The following EXOC6B variants were observed in gnomAD, a reference collection of about 807,000 sequenced individuals.
EXOC6B encodes exocyst complex component 6B, also known as SEC15 homolog B.
In EXOC6B, 54 loss-of-function variants were observed where a neutral mutation model predicts 113.5. The observed-to-expected ratio is 0.48, with a 90% CI of 0.38 to 0.60. The LOEUF (loss-of-function observed/expected upper bound fraction) is 0.60, where lower values mean the gene tolerates loss of function less well. Among genes scored for constraint, EXOC6B ranks in the 20% least tolerant of loss-of-function variants. The pLI is 0.00. For missense variants in EXOC6B, 797 were observed against 977.5 expected, an observed-to-expected ratio of 0.82 and a Z score of 2.46; for synonymous variants, 357 against 339.0, an observed-to-expected ratio of 1.05 and a Z score of -0.58.
chr2:72,607,023 T>C (rs1448075601), intron 6 of EXOC6B, among the ~76,000 whole-genome samples: 1 of 152,194 alleles, frequency 6.6e-6, no homozygotes, highest in African/African-American at 2.4e-5. Flanking sequence ...AGGGGAATCA[T>C]TTTCTCCTTA....
At chr2:72,203,254 A>G (rs1328008099) in intron 20 of EXOC6B, among the ~76,000 whole-genome samples, 1 of 152,176 alleles carries the variant, frequency 6.6e-6, no homozygotes, top group Non-Finnish European at 1.5e-5. Flanking sequence ...GTCCTTTTCA[A>G]TCAGTCCCAG....
chr2:72,747,806 T>C (rs1681798173), intron 1 of EXOC6B, among the ~76,000 whole-genome samples: 1 of 152,082 alleles, frequency 6.6e-6, no homozygotes, highest in Non-Finnish European at 1.5e-5. Flanking sequence ...CTTGCACCTT[T>C]TCTGGGAAAC....
At chr2:72,767,739 G>A (rs1683155050) in intron 1 of EXOC6B, among the ~76,000 whole-genome samples, 2 of 144,476 alleles carry the variant, frequency 1.4e-5, no homozygotes, top group South Asian at 4.5e-4. Context: ...CCTAAGCCTG[G>A]GAGGTGGAGG....
chr2:72,559,425 T>C (rs1703757500), intron 8 of EXOC6B, 28 bp downstream of exon 8: 1 of 1,489,320 alleles, frequency 6.7e-7, no homozygotes, highest in South Asian at 1.4e-5. Context: ...TGGACATCTT[T>C]ATTAGGCAGA....
chr2:72,457,184 T>C (rs1697291535), intron 18 of EXOC6B, among the ~76,000 whole-genome samples: 1 of 152,082 alleles, frequency 6.6e-6, no homozygotes, highest in South Asian at 2.1e-4. Context: ...ACAGAAAACA[T>C]TTTGTACTTA....
At chr2:72,452,876 C>A (rs909845225) in intron 18 of EXOC6B, among the ~76,000 whole-genome samples, 2 of 152,164 alleles carry the variant, frequency 1.3e-5, no homozygotes, top group African/African-American at 2.4e-5. Flanking sequence ...TGTTCTTCCA[C>A]TGCTGCTCTT....
At chr2:72,718,420 T>C in intron 5 of EXOC6B, 113 bp from the exon 6 acceptor site, 1 of 649,226 alleles carries the variant, frequency 1.5e-6, no homozygotes, top group Non-Finnish European at 2.6e-6. Flanking sequence ...CATGAAGTTT[T>C]AATGAGAACA....
chr2:72,432,222 G>A (rs1324281945), intron 18 of EXOC6B, among the ~76,000 whole-genome samples: 2 of 151,962 alleles, frequency 1.3e-5, no homozygotes. Context: ...ATTTAGTAGA[G>A]ACGCAGTTTC....
chr2:72,810,146 T>C (rs928528664), intron 1 of EXOC6B, among the ~76,000 whole-genome samples: 1 of 152,070 alleles, frequency 6.6e-6, no homozygotes, highest in African/African-American at 2.4e-5. Flanking sequence ...AAATAATTAA[T>C]GGATCAAATA....
chr2:72,197,099 T>C (rs1457003847), intron 20 of EXOC6B, among the ~76,000 whole-genome samples: 1 of 152,222 alleles, frequency 6.6e-6, no homozygotes, highest in East Asian at 1.9e-4. Context: ...AGCTGAGATG[T>C]ATTCAAAGGA....
intron 18 of EXOC6B, among the ~76,000 whole-genome samples, chr2:72,392,064 T>G (rs112190007): frequency 1.3e-5 from 2 of 152,224 alleles, no homozygotes; most frequent in African/African-American, 4.8e-5. Context: ...ATTCTTTTTT[T>G]AAAAATCTTG....
chr2:72,367,246 G>A (rs1690678795), intron 19 of EXOC6B, among the ~76,000 whole-genome samples: 1 of 151,906 alleles, frequency 6.6e-6, no homozygotes, highest in Non-Finnish European at 1.5e-5. Context: ...TGTTAAAGAT[G>A]TATATTGTAA....
At chr2:72,268,738 A>G (rs1376743048) in intron 20 of EXOC6B, among the ~76,000 whole-genome samples, 1 of 151,886 alleles carries the variant, frequency 6.6e-6, no homozygotes, top group East Asian at 1.9e-4. Flanking sequence ...AGTTCATGTG[A>G]AATCTGGTTA....
intron 6 of EXOC6B, among the ~76,000 whole-genome samples, chr2:72,677,686 G>C (rs1316112247): frequency 3.9e-5 from 6 of 152,200 alleles, no homozygotes; most frequent in Non-Finnish European, 5.9e-5. Context: ...ATCATCAAAG[G>C]TGGGTTTGCT....
chr2:72,300,792 G>A (rs558421417), intron 20 of EXOC6B, among the ~76,000 whole-genome samples: 41 of 152,074 alleles, frequency 2.7e-4, no homozygotes, highest in Admixed American at 2.7e-3. Context: ...GAAATCCCCC[G>A]ACCCCTTGCA....
chr2:72,455,762 A>G (rs1345463176), intron 18 of EXOC6B, among the ~76,000 whole-genome samples: 1 of 152,166 alleles, frequency 6.6e-6, no homozygotes, highest in Non-Finnish European at 1.5e-5. Flanking sequence ...ACATTAGAAT[A>G]TATACACCTA....
At chr2:72,359,168 G>C (rs1690150477) in intron 19 of EXOC6B, among the ~76,000 whole-genome samples, 1 of 152,046 alleles carries the variant, frequency 6.6e-6, no homozygotes, top group Non-Finnish European at 1.5e-5. Flanking sequence ...TTTGCTCCTT[G>C]CTGTATTGTT....
chr2:72,475,858 C>A (rs1405661677), intron 17 of EXOC6B, among the ~76,000 whole-genome samples: 1 of 152,166 alleles, frequency 6.6e-6, no homozygotes, highest in Non-Finnish European at 1.5e-5. Context: ...ATTGCTCATG[C>A]CTCAGCCTCA....
chr2:72,628,680 A>G (rs571589993), intron 6 of EXOC6B, among the ~76,000 whole-genome samples: 3 of 152,246 alleles, frequency 2.0e-5, no homozygotes, highest in Non-Finnish European at 2.9e-5. Flanking sequence ...ACATGAGGAT[A>G]TGAGAAGATG....
Sources: allele counts gnomAD v4.1 joint callset (sites outside exome capture counted in the v4.1 genomes callset), GRCh38; gene constraint gnomAD v4.1.1; transcripts MANE v1.5; gene names NCBI Gene and HGNC (gene_info 2026-07-23, HGNC 2026-07-21).